PYROXD1: variants seen among roughly 807,000 people sequenced by gnomAD.
The protein encoded by PYROXD1 is tRNA ligase complex-associated NAD(P)H dehydrogenase PYROXD1.
PYROXD1 carries 42 observed loss-of-function variants against 62.0 expected under a neutral mutation model. The ratio of observed to expected loss-of-function variants is 0.68; its 90% CI spans 0.53 to 0.88. PYROXD1 has a LOEUF of 0.88. Among genes scored for constraint, PYROXD1 ranks in the 40% least tolerant of loss-of-function variants. The pLI is 0.00. For synonymous variants in PYROXD1, 170 were observed against 206.4 expected (o/e 0.82, Z 1.51); for missense variants, 493 against 604.8 (o/e 0.82, Z 1.94).
At chr12:21,441,268 C>T (rs1451511422) in intron 2 of PYROXD1, 1 of 152,252 alleles carries the variant, frequency 6.6e-6, no homozygotes, top group African/African-American at 2.4e-5. Context: ...CGTGATCCAT[C>T]CACCTCGGCC....
intron 11 of PYROXD1, among the ~76,000 whole-genome samples, chr12:21,467,843 G>GA (rs1328496407): frequency 6.6e-6 from 1 of 151,674 alleles, no homozygotes; most frequent in Non-Finnish European, 1.5e-5. Context: ...AGTTAAGAGG[G>GA]AAAAAAATTT....
intron 7 of PYROXD1, among the ~76,000 whole-genome samples, chr12:21,459,385 C>T (rs774568854): frequency 9.9e-5 from 15 of 152,114 alleles, no homozygotes; most frequent in Non-Finnish European, 2.2e-4. Flanking sequence ...GCTTCATGCC[C>T]CTTCTTATAT....
rs770330925 is a variant in PYROXD1 at position 21,470,151 on chromosome 12, A to G, written c.*1397A>G. On this transcript the variant is annotated 3_prime_UTR_variant, in exon 12 of 12. Transcript: ENST00000240651. ...TAACTACAAAAATAATGGCATATAC[A>G]TGCATAAACCATCTTTAATTAGAAA... 6 of 1,602,862 alleles carry G rather than the reference A, an allele frequency of 3.7e-6. No individual in the cohort carries two copies. Among genetic ancestry groups the G allele is most frequent in the Middle Eastern group, 1.7e-4 (1 of 5,972 alleles).
chr12:21,459,971 CACTT>C (rs1479898237), intron 7 of PYROXD1, among the ~76,000 whole-genome samples: 1 of 152,210 alleles, frequency 6.6e-6, no homozygotes, highest in African/African-American at 2.4e-5. Context: ...TGGAAATACA[CACTT>C]AATACCCTAA....
intron 2 of PYROXD1, among the ~76,000 whole-genome samples, chr12:21,442,859 C>A (rs1188630706): frequency 6.6e-6 from 1 of 152,214 alleles, no homozygotes; most frequent in Non-Finnish European, 1.5e-5. Flanking sequence ...TTTCTTTGCT[C>A]CTAGCTATCT....
Position 21,445,448 on chromosome 12 carries a change from A to G in PYROXD1, c.267A>G (p.Gln89=), listed in dbSNP as rs1451714741. 1 of 1,602,092 alleles carries G rather than the reference A, an allele frequency of 6.2e-7. No individual in the cohort carries two copies. Among genetic ancestry groups the G allele is most frequent in the Non-Finnish European group, 8.5e-7 (1 of 1,176,652 alleles). The change falls in exon 3 of 12, where the codon CAA becomes CAG. Residue 89 remains glutamine (Q), a synonymous_variant. Transcript: ENST00000240651. ...AGGTTATAGAATCTGGCGTAAAGCA[A>G]CTGAAGAGTGAAGAACACGTAAGAT... ...NIKVIESGVK[Q]LKSEEHCIVT...
At chr12:21,446,679 A>T (rs1163784079) in intron 3 of PYROXD1, among the ~76,000 whole-genome samples, 1 of 152,162 alleles carries the variant, frequency 6.6e-6, no homozygotes, top group Non-Finnish European at 1.5e-5. Context: ...TGTGAGGCCA[A>T]GGCAGACGGA....
chr12:21,443,377 A>G (rs1942331012), intron 2 of PYROXD1, among the ~76,000 whole-genome samples: 1 of 152,162 alleles, frequency 6.6e-6, no homozygotes, highest in Non-Finnish European at 1.5e-5. Flanking sequence ...TACACATCAG[A>G]AAAGTGCTTC....
At chr12:21,462,393 A>C (rs1231761068) in intron 9 of PYROXD1, among the ~76,000 whole-genome samples, 1 of 152,076 alleles carries the variant, frequency 6.6e-6, no homozygotes, top group African/African-American at 2.4e-5. Context: ...ACCTCCCGTG[A>C]CTTCTCAAAA....
chr12:21,451,443 A>G (rs58884256), intron 4 of PYROXD1, among the ~76,000 whole-genome samples: 2,037 of 151,860 alleles, frequency 0.013, 37 homozygotes, highest in African/African-American at 0.046. Flanking sequence ...AATGTTAATA[A>G]CATTTTTTTT....
At chr12:21,466,240 C>T (rs1942791187) in intron 10 of PYROXD1, among the ~76,000 whole-genome samples, 1 of 146,476 alleles carries the variant, frequency 6.8e-6, no homozygotes, top group Admixed American at 6.8e-5. Flanking sequence ...GGCATTGAAT[C>T]TATAAATTAC....
chr12:21,445,529 C>A, intron 3 of PYROXD1, 63 bp downstream of exon 3: 1 of 1,466,566 alleles, frequency 6.8e-7, no homozygotes, highest in Non-Finnish European at 9.1e-7. Context: ...TTTTGCCTGC[C>A]TCTTTTCACT....
chr12:21,437,797 G>A lies in PYROXD1; in HGVS notation c.67G>A (p.Val23Ile). 6.2e-7 allele frequency: 1 copy of A among 1,612,656 alleles called. No homozygotes were observed. The highest frequency in any genetic ancestry group is 8.5e-7 in the Non-Finnish European group (1 of 1,179,634). Residue 23 changes from valine (V) to isoleucine (I), a missense_variant, in exon 1 of 12, where the codon GTC becomes ATC. By Grantham distance (29) the Val-to-Ile change is conservative. Transcript: ENST00000240651. Reference sequence around the variant, plus strand: ...GGTGGTCGGCGGCGGCATCGCGGGCGTCACTTGTGCGGAGCAGGTAGGGCG... The same window carrying A: ...GGTGGTCGGCGGCGGCATCGCGGGCATCACTTGTGCGGAGCAGGTAGGGCG... ...FVVVGGGIAGVTCAEQLATHF... is the reference protein window; with the variant it reads ...FVVVGGGIAGITCAEQLATHF...
rs181181886 is a variant in PYROXD1, at chr12:21,452,310, T to G, written c.488+156T>G. On this transcript the variant is annotated intron_variant, in intron 5 of 11. Transcript: ENST00000240651. Reference sequence around the variant, plus strand: ...AAGATAAATATAATTTTCATATGTTTTCAAGGGGAAAAATCCACCATATTT... The same window carrying G: ...AAGATAAATATAATTTTCATATGTTGTCAAGGGGAAAAATCCACCATATTT... Among the ~76,000 whole-genome samples the G allele has an allele frequency of 2.8e-3, 421 of 152,226 alleles. 5 individuals carry two copies. The highest frequency in any genetic ancestry group is 1.0e-2 in the African/African-American group (415 of 41,580).
At chr12:21,450,648 CATG>C (rs1942478834) in intron 4 of PYROXD1, among the ~76,000 whole-genome samples, 1 of 152,192 alleles carries the variant, frequency 6.6e-6, no homozygotes. Context: ...TGTCTCATGA[CATG>C]ATGATTTTGC....
At chr12:21,444,075 C>T (rs780238458) in intron 2 of PYROXD1, among the ~76,000 whole-genome samples, 113 of 152,024 alleles carry the variant, frequency 7.4e-4, no homozygotes, top group Non-Finnish European at 1.2e-3. Flanking sequence ...TCAGTTTTTG[C>T]CGGTTTTGTA....
chr12:21,440,962 A>G (rs1942282517), intron 2 of PYROXD1, among the ~76,000 whole-genome samples: 1 of 152,200 alleles, frequency 6.6e-6, no homozygotes, highest in African/African-American at 2.4e-5. Context: ...TATCACATTT[A>G]CCGATTTGCA....
rs1213539633 is a variant in PYROXD1 at position 21,452,183 on chromosome 12, ATTTAAATTG to A, written c.488+36_488+44del. On this transcript the variant is annotated intron_variant, in intron 5 of 11. Transcript: ENST00000240651. ...AGTATATATTTTTAAATATGATAACATTTAAATTGTTTAAAAATAATTTGTTTTTAAATT... is the reference window on the plus strand; with the variant it reads ...AGTATATATTTTTAAATATGATAACATTTAAAAATAATTTGTTTTTAAATT... 10 of 1,286,350 alleles carry A rather than the reference ATTTAAATTG, an allele frequency of 7.8e-6. No homozygotes were observed. The East Asian group carries it at 2.8e-4, about 36-fold the overall frequency. 79.7% of individuals were successfully genotyped at this position (1,286,350 alleles called of 1,614,324 possible).
intron 10 of PYROXD1, among the ~76,000 whole-genome samples, chr12:21,465,841 G>C (rs1815357403): frequency 6.6e-6 from 1 of 152,058 alleles, no homozygotes. Context: ...ATTAATTTTT[G>C]TATAAGGTGT....
Sources: allele counts gnomAD v4.1 joint callset (sites outside exome capture counted in the v4.1 genomes callset), GRCh38; gene constraint gnomAD v4.1.1; transcripts MANE v1.5; gene names NCBI Gene and HGNC (gene_info 2026-07-23, HGNC 2026-07-21).